The following NXN variants were observed in gnomAD, a reference collection of about 807,000 sequenced individuals.
The protein encoded by NXN is nucleoredoxin 1.
Under a neutral mutation model 48.6 loss-of-function variants are expected in NXN, and 16 were observed. The observed-to-expected ratio is 0.33, with a 90% CI of 0.22 to 0.50. NXN has a LOEUF of 0.50. Ranked by LOEUF, NXN falls within the 20% of genes least tolerant of loss-of-function variation. NXN has a pLI of 0.98. For missense variants in NXN, 492 were observed against 605.5 expected (o/e 0.81, Z 1.97); for synonymous variants, 281 against 269.6 (o/e 1.04, Z -0.41).
intron 1 of NXN, among the ~76,000 whole-genome samples, chr17:935,175 C>T (rs951355601): frequency 5.3e-5 from 8 of 151,834 alleles, no homozygotes; most frequent in Admixed American, 1.3e-4. Context: ...TGTGTTTTTA[C>T]TAGAGACAGG....
At chr17:921,762 T>C (rs1360537984) in intron 1 of NXN, among the ~76,000 whole-genome samples, 6 of 147,624 alleles carry the variant, frequency 4.1e-5, no homozygotes, top group African/African-American at 7.5e-5. Context: ...CAGGCTCTCA[T>C]CCTCACTGCC....
chr17:928,118 T>G (rs2075600549), intron 1 of NXN, among the ~76,000 whole-genome samples: 2 of 152,002 alleles, frequency 1.3e-5, no homozygotes, highest in Admixed American at 1.3e-4. Context: ...CGAAGGTGTT[T>G]TGCAAAGAAA....
At chr17:806,051 C>T (rs1250493284) in intron 5 of NXN, among the ~76,000 whole-genome samples, 3 of 151,832 alleles carry the variant, frequency 2.0e-5, no homozygotes, top group African/African-American at 7.3e-5. Context: ...GGGCCAGTGC[C>T]GCCGGGGGGA....
chr17:866,881 C>A (rs1470527337), intron 1 of NXN, among the ~76,000 whole-genome samples: 1 of 152,228 alleles, frequency 6.6e-6, no homozygotes, highest in Non-Finnish European at 1.5e-5. Flanking sequence ...ATACTGCAAA[C>A]CCTCAGCTGG....
chr17:963,625 A>T (rs976385528), intron 1 of NXN, among the ~76,000 whole-genome samples: 22 of 149,566 alleles, frequency 1.5e-4, no homozygotes, highest in Admixed American at 1.2e-3. Flanking sequence ...CAAAAAGGAA[A>T]TTTTTTTTTT....
intron 1 of NXN, among the ~76,000 whole-genome samples, chr17:925,241 A>G (rs899394009): frequency 6.6e-6 from 1 of 152,028 alleles, no homozygotes; most frequent in Non-Finnish European, 1.5e-5. Context: ...ACCTAGGAAT[A>G]CTCTTGACAG....
intron 1 of NXN, among the ~76,000 whole-genome samples, chr17:858,786 G>T (rs561420285): frequency 6.6e-6 from 1 of 152,102 alleles, no homozygotes; most frequent in Non-Finnish European, 1.5e-5. Context: ...GCTTACACAC[G>T]AAGGGTCTGA....
At chr17:806,064 C>T (rs1911483332) in intron 5 of NXN, among the ~76,000 whole-genome samples, 1 of 151,958 alleles carries the variant, frequency 6.6e-6, no homozygotes, top group African/African-American at 2.4e-5. Context: ...CGGGGGGAAC[C>T]TGAGGCTGGC....
rs1014817064 is a variant in NXN at position 849,385 on chromosome 17, T to C, written c.361-23307A>G. ...TCATCTCTACTAAAAATACAAAAAT[T>C]AGCTGGGCGTGGTGGCAGGTACCTG... is the stretch of plus-strand genomic sequence containing the variant. On this transcript the variant is annotated intron_variant, in intron 1 of 7. Transcript: ENST00000336868. This position sits in a 1 kb window ranked among gnomAD's most constrained non-coding sequence, Gnocchi z 4.2. 6.6e-6 allele frequency among the ~76,000 whole-genome samples: 1 copy of C among 151,984 alleles called. No homozygotes were observed. The highest frequency in any genetic ancestry group is 1.5e-5 in the Non-Finnish European group (1 of 67,986).
intron 5 of NXN, among the ~76,000 whole-genome samples, chr17:810,753 GTA>G (rs1567811153): frequency 6.6e-6 from 1 of 152,144 alleles, no homozygotes; most frequent in African/African-American, 2.4e-5. Context: ...GCTGGGCGTG[GTA>G]GCGCACCCCT....
intron 5 of NXN, among the ~76,000 whole-genome samples, chr17:805,684 A>G (rs1195951258): frequency 6.6e-6 from 1 of 152,098 alleles, no homozygotes; most frequent in Non-Finnish European, 1.5e-5. Flanking sequence ...CTAAAAATAC[A>G]AAAACTAGCT....
chr17:871,226 T>C (rs758764536), intron 1 of NXN, among the ~76,000 whole-genome samples: 17 of 151,880 alleles, frequency 1.1e-4, no homozygotes, highest in Non-Finnish European at 2.1e-4. Context: ...GCAGCCACCA[T>C]GAACTAAGGG....
At position 907,490 on chromosome 17, in the gene NXN, C is replaced by T. The variant is rs566776190; in HGVS notation, c.360+71829G>A. On this transcript the variant is annotated intron_variant, in intron 1 of 7. Coordinates refer to ENST00000336868, the MANE Select transcript of NXN (RefSeq NM_022463.5). The stretch of plus-strand genomic sequence containing the variant: ...TAGTAGCTGGGATTACAGGTGCCCG[C>T]CACCACGCCAGGCTAATTTTTGTAT... 3.4e-3 allele frequency among the ~76,000 whole-genome samples: 520 copies of T among 152,188 alleles called. 3 individuals are homozygous for T. The highest frequency in any genetic ancestry group is 0.02 in the Middle Eastern group (6 of 294).
intron 1 of NXN, among the ~76,000 whole-genome samples, chr17:885,186 G>C (rs961204116): frequency 6.6e-6 from 1 of 152,174 alleles, no homozygotes. Flanking sequence ...ATATGCGGCC[G>C]GTCGCAGTGG....
At chr17:874,163 G>C (rs2068189647) in intron 1 of NXN, among the ~76,000 whole-genome samples, 1 of 152,148 alleles carries the variant, frequency 6.6e-6, no homozygotes, top group African/African-American at 2.4e-5. Flanking sequence ...TCCCCCTTCT[G>C]CTCATCCTTC....
At chr17:839,732 G>C (rs1314390608) in intron 1 of NXN, among the ~76,000 whole-genome samples, 1 of 149,000 alleles carries the variant, frequency 6.7e-6, no homozygotes, top group Non-Finnish European at 1.5e-5. Flanking sequence ...AACCTGGTGT[G>C]GTCAAGGCTG....
chr17:801,687 G>A (rs1397075007), intron 7 of NXN, among the ~76,000 whole-genome samples: 4 of 152,026 alleles, frequency 2.6e-5, no homozygotes, highest in East Asian at 1.9e-4. Context: ...CAGGTGATCC[G>A]CCTACCTTGG....
At position 822,338 on chromosome 17, in the gene NXN, A is replaced by T. The variant is rs1193223917; in HGVS notation, c.713+19T>A. 6 of 1,572,674 alleles carry T rather than the reference A, an allele frequency of 3.8e-6. No homozygotes were observed. The highest frequency in any genetic ancestry group is 4.4e-6 in the Non-Finnish European group (5 of 1,143,354). On this transcript the variant is annotated intron_variant, in intron 4 of 7. Coordinates refer to ENST00000336868, the MANE Select transcript of NXN (RefSeq NM_022463.5). The stretch of plus-strand genomic sequence containing the variant: ...GCTACCTACAGAAAAGGGGCCCAGC[A>T]CTTCACGGCACGACTGACCTGTCTG...
chr17:835,035 G>A (rs974697906), intron 1 of NXN, among the ~76,000 whole-genome samples: 10 of 151,710 alleles, frequency 6.6e-5, no homozygotes, highest in Non-Finnish European at 1.0e-4. Context: ...CAGGCCTGGC[G>A]CGGTGGCTCA....
Sources: gnomAD v4.1 joint callset for allele counts (sites outside exome capture counted in the v4.1 genomes callset) on GRCh38, gnomAD v4.1.1 for gene constraint, Gnocchi (gnomAD v3.1) non-coding constraint, MANE v1.5 for transcripts, NCBI Gene and HGNC (gene_info 2026-07-23, HGNC 2026-07-21) for gene names.